Variants in AMACR observed in about 807,000 individuals in gnomAD.
AMACR encodes the protein alpha-methylacyl-CoA racemase.
A neutral mutation model predicts 22.2 loss-of-function variants in AMACR; 18 were observed. That is an observed-to-expected ratio of 0.81 (90% CI 0.56 to 1.20). AMACR has a LOEUF of 1.20. Among genes scored for constraint, AMACR ranks in the 50% most tolerant of loss-of-function variants. The pLI, the probability that AMACR is intolerant of heterozygous loss-of-function variation, is 0.00. For synonymous variants in AMACR, 213 were observed against 191.3 expected (o/e 1.11, Z -0.94); for missense variants, 499 against 490.6 (o/e 1.02, Z -0.16).
Position 33,997,498 on chromosome 5 carries a change from G to C in AMACR, c.739+1143C>G, listed in dbSNP as rs762128737. ...GATACTGCTTCCTGTTGTATTTTCAGCAAGATCAGTTCTCCCAGACCTGGC... is the reference window on the plus strand; with the variant it reads ...GATACTGCTTCCTGTTGTATTTTCACCAAGATCAGTTCTCCCAGACCTGGC... On this transcript the variant is annotated intron_variant, in intron 4 of 4. Transcript: ENST00000335606. The C allele has an allele frequency of 5.1e-6, 4 of 780,160 alleles. No individual in the cohort carries two copies. In the South Asian group the frequency reaches 5.4e-5, roughly 10 times the overall value. 48.3% of individuals were successfully genotyped at this position (780,160 alleles called of 1,614,324 possible). A position where few individuals can be genotyped will look rare whatever the true frequency, so the allele number is the denominator to read the frequency against.
At chr5:33,998,076 A>G (rs1447326033) in intron 4 of AMACR, among the ~76,000 whole-genome samples, 3 of 152,252 alleles carry the variant, frequency 2.0e-5, no homozygotes, top group Non-Finnish European at 4.4e-5. Flanking sequence ...CCATCCAATT[A>G]TTTAATTAGG....
chr5:33,997,601 G>A, intron 4 of AMACR: 1 of 745,440 alleles, frequency 1.3e-6, no homozygotes, highest in East Asian at 2.4e-5. Context: ...TGGCTCCACA[G>A]AGCTCCACCA....
chr5:33,993,499 T>C (rs1416077437), intron 4 of AMACR, among the ~76,000 whole-genome samples: 3 of 152,266 alleles, frequency 2.0e-5, no homozygotes, highest in Non-Finnish European at 4.4e-5. Context: ...AAATGCACGC[T>C]GTTTTTGACA....
intron 2 of AMACR, among the ~76,000 whole-genome samples, chr5:34,005,486 G>C (rs1414127894): frequency 6.6e-6 from 1 of 151,990 alleles, no homozygotes; most frequent in Non-Finnish European, 1.5e-5. Context: ...TCCTAGCAGG[G>C]GTTTGTCTGA....
Position 34,004,696 on chromosome 5 carries a change from A to G in AMACR, c.430T>C (p.Tyr144His). The change falls in exon 3 of 5, where the codon TAT (tyrosine) becomes CAT (histidine). Residue 144 changes from tyrosine to histidine, a missense_variant. Transcript: ENST00000335606. ...SKIGRSGENP[Y>H]APLNLLADFA... ...TCAGCCAGGAGATTCAGCGGGGCATACGGATTCTCACCACTTCTGCCAATT... is the reference window on the plus strand; with the variant it reads ...TCAGCCAGGAGATTCAGCGGGGCATGCGGATTCTCACCACTTCTGCCAATT... 1 of 1,614,236 alleles carries G rather than the reference A, an allele frequency of 6.2e-7. No homozygotes were observed. Among genetic ancestry groups the G allele is most frequent in the Non-Finnish European group, 8.5e-7 (1 of 1,180,048 alleles).
At chr5:34,001,701 G>T (rs1753823679) in intron 3 of AMACR, among the ~76,000 whole-genome samples, 1 of 152,158 alleles carries the variant, frequency 6.6e-6, no homozygotes, top group African/African-American at 2.4e-5. Flanking sequence ...CAGTTTCCAA[G>T]GAAACAGCAC....
At chr5:33,996,495 G>A (rs1753639195) in intron 4 of AMACR, among the ~76,000 whole-genome samples, 1 of 152,118 alleles carries the variant, frequency 6.6e-6, no homozygotes, top group Admixed American at 6.5e-5. Context: ...TTGGTTCAAG[G>A]CATTTAAGGG....
rs767735044 is a variant in AMACR, at chr5:33,994,079, T to C, written c.739+4562A>G. On this transcript the variant is annotated intron_variant, in intron 4 of 4. Transcript: ENST00000335606. Reference sequence around the variant, plus strand: ...CTTAAAAAGATTTTGCATACTTATGTTCAGAAACTGAAGATACAGATTAAA... The same window carrying C: ...CTTAAAAAGATTTTGCATACTTATGCTCAGAAACTGAAGATACAGATTAAA... The C allele has an allele frequency of 1.0e-4, 46 of 456,124 alleles. 1 individual carries two copies. The highest frequency in any genetic ancestry group is 5.4e-4 in the South Asian group (35 of 64,564). The allele number at this position is 456,124 out of a possible 1,614,324, so 28.3% of individuals were successfully genotyped here.
At chr5:33,993,446 T>C (rs1753543483) in intron 4 of AMACR, among the ~76,000 whole-genome samples, 1 of 152,216 alleles carries the variant, frequency 6.6e-6, no homozygotes, top group African/African-American at 2.4e-5. Flanking sequence ...TACTTAGAAG[T>C]GGAATTGCTA....
chr5:33,998,974 G>A lies in AMACR; in HGVS notation c.553-147C>T, dbSNP rs10941110. 306,364 of 710,780 alleles carry A rather than the reference G, an allele frequency of 0.43. 75,108 individuals carry two copies. Among genetic ancestry groups the A allele is most frequent in the Non-Finnish European group, 0.51 (215,669 of 420,880 alleles). The allele number at this position is 710,780 out of a possible 1,614,324, so 44.0% of individuals were successfully genotyped here. A position where few individuals can be genotyped will look rare whatever the true frequency, so the allele number is the denominator to read the frequency against. ...TCTACCTAATTACACAACTTCTCTGGTATTTCCAGAAAGTGAGTTAGAGCA... is the reference window on the plus strand; with the variant it reads ...TCTACCTAATTACACAACTTCTCTGATATTTCCAGAAAGTGAGTTAGAGCA... On this transcript the variant is annotated intron_variant, in intron 3 of 4. Transcript: ENST00000335606.
chr5:34,004,144 C>A (rs1260780089), intron 3 of AMACR, among the ~76,000 whole-genome samples: 2 of 152,192 alleles, frequency 1.3e-5, no homozygotes, highest in Non-Finnish European at 2.9e-5. Context: ...GTCCATTTGA[C>A]CTTAGCATTC....
rs1161420132 is a variant in AMACR at position 33,989,076 on chromosome 5, A to G, written c.*17T>C. 4 of 1,614,082 alleles carry G rather than the reference A, an allele frequency of 2.5e-6. No homozygotes were observed. The highest frequency in any genetic ancestry group is 1.1e-5 in the South Asian group (1 of 90,994). On this transcript the variant is annotated 3_prime_UTR_variant, in exon 5 of 5. Transcript: ENST00000335606. ...TAAATGCAGTATTCAAATTCACTTG[A>G]GCCGTGGGCCTGGAAGTTAGAGACT...
rs113345038 is a variant in AMACR at position 33,998,659 on chromosome 5, A to G, written c.721T>C (p.Tyr241His). The G allele has an allele frequency of 6.2e-7, 1 of 1,609,752 alleles. No homozygotes were observed. Among genetic ancestry groups the G allele is most frequent in the African/African-American group, 1.3e-5 (1 of 74,794 alleles). ...MAVGAIEPQF[Y>H]ELLIKGLGLK... ...CACTTACCTTTGATCAGCAGCTCGT[A>G]GAACTGGGGTTCTATTGCTCCAACA... The change falls in exon 4 of 5, where the codon TAC becomes CAC. Residue 241 changes from tyrosine to histidine, a missense_variant. Transcript: ENST00000335606.
At chr5:34,006,842 T>C (rs1561046561) in intron 1 of AMACR, among the ~76,000 whole-genome samples, 4 of 152,368 alleles carry the variant, frequency 2.6e-5, no homozygotes, top group South Asian at 4.1e-4. Context: ...GACCAGGCAA[T>C]GCTTTGGATT....
At chr5:33,998,912 T>A (rs1379640468) in intron 3 of AMACR, 85 bp from the exon 4 acceptor site, 22 of 1,355,568 alleles carry the variant, frequency 1.6e-5, no homozygotes, top group Non-Finnish European at 2.1e-5. Flanking sequence ...TTAAAAAAAA[T>A]TTGCGTAAAA....
Position 33,997,051 on chromosome 5 carries a change from G to A in AMACR, c.739+1590C>T, listed in dbSNP as rs1191822825. 11 of 705,426 alleles carry A rather than the reference G, an allele frequency of 1.6e-5. No individual in the cohort carries two copies. The East Asian group carries it at 2.6e-4, about 17-fold the overall frequency. 43.7% of individuals were successfully genotyped at this position (705,426 alleles called of 1,614,324 possible). A position where few individuals can be genotyped will look rare whatever the true frequency, so the allele number is the denominator to read the frequency against. ...CATTAAAACTTATTTAAGTCACTTT[G>A]GACCCAGCATGTCCTTAGGTTTTAC... On this transcript the variant is annotated intron_variant, in intron 4 of 4. Transcript: ENST00000335606.
chr5:34,002,499 AC>A (rs1425051326), intron 3 of AMACR, among the ~76,000 whole-genome samples: 1 of 152,066 alleles, frequency 6.6e-6, no homozygotes, highest in Admixed American at 6.6e-5. Context: ...TTCCTTTTGG[AC>A]CCCAGGGACC....
intron 4 of AMACR, chr5:33,997,137 T>C: frequency 5.3e-6 from 4 of 749,620 alleles, no homozygotes; most frequent in Non-Finnish European, 9.9e-6. Context: ...CCTTTAAGGT[T>C]GATCCATTTT....
chr5:33,998,553 C>A, intron 4 of AMACR, 88 bp downstream of exon 4: 1 of 1,378,722 alleles, frequency 7.3e-7, no homozygotes, highest in South Asian at 1.5e-5. Context: ...TAATAAAAGA[C>A]ATCCTAGATG....
Sources: allele counts gnomAD v4.1 joint callset (sites outside exome capture counted in the v4.1 genomes callset), GRCh38; gene constraint gnomAD v4.1.1; transcripts MANE v1.5; gene names NCBI Gene and HGNC (gene_info 2026-07-23, HGNC 2026-07-21).